The following TAFA2 variants were observed in gnomAD, a reference collection of about 807,000 sequenced individuals.
The protein encoded by TAFA2 is chemokine-like protein TAFA-2.
In TAFA2, 7 loss-of-function variants were observed where a neutral mutation model predicts 18.8. That is an observed-to-expected ratio of 0.37 (90% CI 0.21 to 0.70). TAFA2 has a LOEUF of 0.70. TAFA2 is among the 30% of genes least tolerant of loss of function. The pLI, the probability that TAFA2 is intolerant of heterozygous loss-of-function variation, is 0.53. For synonymous variants in TAFA2, 60 were observed against 54.2 expected (o/e 1.11, Z -0.47); for missense variants, 122 against 158.1 (o/e 0.77, Z 1.23).
rs539494146 is a variant in TAFA2 at position 62,090,739 on chromosome 12, C to T, written c.-2+100520G>A. Among the ~76,000 whole-genome samples the T allele has an allele frequency of 1.4e-4, 22 of 152,114 alleles. 1 individual carries two copies. The South Asian group carries it at 4.3e-3, about 30-fold the overall frequency. ...TCTAAAGAATATATAAACCCTATTG[C>T]AGCATTCATTTTCCATGGAAAATAT... On this transcript the variant is annotated intron_variant, in intron 1 of 4. Coordinates refer to ENST00000416284, the MANE Select transcript of TAFA2 (RefSeq NM_178539.5).
intron 4 of TAFA2, among the ~76,000 whole-genome samples, chr12:61,722,198 G>C (rs569048982): frequency 6.6e-6 from 1 of 152,098 alleles, no homozygotes; most frequent in South Asian, 2.1e-4. Context: ...ATAAATTTGA[G>C]AGGTTGGAAT....
At chr12:61,989,967 A>G (rs780894949) in intron 1 of TAFA2, among the ~76,000 whole-genome samples, 7 of 152,118 alleles carry the variant, frequency 4.6e-5, no homozygotes, top group Non-Finnish European at 1.0e-4. Flanking sequence ...CTCAGTCTCT[A>G]TTAACAATCT....
At chr12:62,202,821 CTTTTTTTTTTT>C (rs71083986) in intron 1 of TAFA2, among the ~76,000 whole-genome samples, 1 of 61,626 alleles carries the variant, frequency 1.6e-5, no homozygotes, top group African/African-American at 5.9e-5. Flanking sequence ...CTGTGTGGTT[CTTTTTTTTTTT>C]TTTTTTTTTT....
intron 1 of TAFA2, among the ~76,000 whole-genome samples, chr12:62,040,810 C>T (rs1881736714): frequency 6.6e-6 from 1 of 152,092 alleles, no homozygotes; most frequent in Admixed American, 6.5e-5. Flanking sequence ...GAGTGCTATA[C>T]CATAGGACTG....
At chr12:61,851,720 AAC>A (rs1873659282) in intron 2 of TAFA2, among the ~76,000 whole-genome samples, 1 of 126,742 alleles carries the variant, frequency 7.9e-6, no homozygotes, top group East Asian at 2.8e-4. Flanking sequence ...GCTTGCAGTG[AAC>A]CGAGATTGTG....
upstream of TAFA2, among the ~76,000 whole-genome samples, chr12:62,195,239 C>T (rs1399738251): frequency 6.6e-6 from 1 of 152,222 alleles, no homozygotes; most frequent in East Asian, 1.9e-4. Flanking sequence ...CTCAACTCTG[C>T]CACTGCTTTA....
intron 1 of TAFA2, among the ~76,000 whole-genome samples, chr12:62,015,917 A>G (rs985347590): frequency 6.6e-6 from 1 of 152,172 alleles, no homozygotes; most frequent in African/African-American, 2.4e-5. Flanking sequence ...TTTGTATTTA[A>G]TGGGTATAGA....
intron 2 of TAFA2, among the ~76,000 whole-genome samples, chr12:61,843,770 T>A (rs1190845223): frequency 9.9e-5 from 15 of 152,140 alleles, no homozygotes; most frequent in Non-Finnish European, 2.9e-5. Flanking sequence ...GAAACAGAAC[T>A]TTCCAACAAG....
At chr12:62,201,423 T>G (rs2062670401) in intron 1 of TAFA2, among the ~76,000 whole-genome samples, 1 of 152,194 alleles carries the variant, frequency 6.6e-6, no homozygotes, top group African/African-American at 2.4e-5. Context: ...CAATACCTAG[T>G]ATATTGAGAG....
In TAFA2 at chr12:61,814,749, T is replaced by C. The variant is rs2121021452; in HGVS notation, c.106+52571A>G. ...GGTCCAATGTAATCACAAGGACTCTTATAAGAGCAAAATAGGAGGGTCAGA... is the reference window on the plus strand; with the variant it reads ...GGTCCAATGTAATCACAAGGACTCTCATAAGAGCAAAATAGGAGGGTCAGA... On this transcript the variant is annotated intron_variant, in intron 2 of 4. Transcript: ENST00000416284. 1.3e-5 allele frequency among the ~76,000 whole-genome samples: 2 copies of C among 151,384 alleles called. 1 individual carries two copies.
intron 2 of TAFA2, among the ~76,000 whole-genome samples, chr12:61,850,674 A>G (rs1439384191): frequency 6.6e-6 from 1 of 152,068 alleles, no homozygotes; most frequent in Non-Finnish European, 1.5e-5. Context: ...TTTATTTTTT[A>G]AAATTCTTGA....
At chr12:61,783,324 C>T (rs770225885) in intron 2 of TAFA2, among the ~76,000 whole-genome samples, 4 of 151,712 alleles carry the variant, frequency 2.6e-5, no homozygotes, top group Admixed American at 6.6e-5. Flanking sequence ...AAACTTCATA[C>T]GAATAGACTT....
chr12:61,802,567 A>T (rs1271208905), intron 2 of TAFA2, among the ~76,000 whole-genome samples: 1 of 152,002 alleles, frequency 6.6e-6, no homozygotes, highest in African/African-American at 2.4e-5. Flanking sequence ...AGGGCATAGA[A>T]GTGGAGAGTA....
intron 4 of TAFA2, among the ~76,000 whole-genome samples, chr12:61,737,923 G>C (rs534236997): frequency 9.2e-5 from 14 of 151,804 alleles, no homozygotes; most frequent in African/African-American, 3.1e-4. Flanking sequence ...CTAGAGTCAA[G>C]ACAAATTATA....
intron 1 of TAFA2, among the ~76,000 whole-genome samples, chr12:62,100,907 G>T (rs78214627): frequency 0.054 from 8,220 of 152,178 alleles, 336 homozygotes; most frequent in Non-Finnish European, 0.083. Flanking sequence ...AAACTGAAGC[G>T]TAAAAGTTTA....
At chr12:61,858,848 G>T (rs1370905564) in intron 2 of TAFA2, among the ~76,000 whole-genome samples, 1 of 152,056 alleles carries the variant, frequency 6.6e-6, no homozygotes, top group Non-Finnish European at 1.5e-5. Flanking sequence ...CAACCAGAGT[G>T]ACCCAAACAT....
intron 1 of TAFA2, among the ~76,000 whole-genome samples, chr12:62,004,412 AAGGTG>A (rs1880478630): frequency 6.6e-6 from 1 of 152,162 alleles, no homozygotes; most frequent in Non-Finnish European, 1.5e-5. Context: ...GAGAGCTGGA[AAGGTG>A]TTTCTGATAT....
intron 2 of TAFA2, among the ~76,000 whole-genome samples, chr12:61,783,708 A>T (rs913684739): frequency 3.3e-5 from 5 of 151,636 alleles, no homozygotes; most frequent in African/African-American, 1.2e-4. Context: ...GTTAGTATTT[A>T]AAATTATTTT....
intron 1 of TAFA2, among the ~76,000 whole-genome samples, chr12:61,906,629 G>C (rs1048969764): frequency 6.6e-6 from 1 of 152,200 alleles, no homozygotes; most frequent in African/African-American, 2.4e-5. Flanking sequence ...AAGTGACTTT[G>C]GAACTGGGTA....
Sources: allele counts gnomAD v4.1 joint callset (sites outside exome capture counted in the v4.1 genomes callset), GRCh38; gene constraint gnomAD v4.1.1; transcripts MANE v1.5; gene names NCBI Gene and HGNC (gene_info 2026-07-23, HGNC 2026-07-21).